Variants in GABBR2 observed in about 807,000 individuals in gnomAD.
GABBR2 encodes the protein gamma-aminobutyric acid type B receptor subunit 2.
GABBR2 carries 23 observed loss-of-function variants against 105.6 expected under a neutral mutation model. The ratio of observed to expected loss-of-function variants is 0.22; its 90% CI spans 0.16 to 0.31. The LOEUF is 0.31. GABBR2 is among the 10% of genes least tolerant of loss of function. GABBR2 has a pLI of 1.00. For missense variants in GABBR2, 734 were observed against 1,245.5 expected, an observed-to-expected ratio of 0.59 and a Z score of 6.18; for synonymous variants, 478 against 499.7, an observed-to-expected ratio of 0.96 and a Z score of 0.58.
intron 3 of GABBR2, among the ~76,000 whole-genome samples, chr9:98,535,378 G>A (rs1828155121): frequency 1.3e-5 from 2 of 151,952 alleles, no homozygotes; most frequent in South Asian, 2.1e-4. Flanking sequence ...TGGGATTACA[G>A]GCATGAGCCA....
chr9:98,336,782 C>T (rs991656689), intron 13 of GABBR2, among the ~76,000 whole-genome samples: 3 of 151,684 alleles, frequency 2.0e-5, no homozygotes, highest in Non-Finnish European at 4.4e-5. Context: ...ATTAAACACT[C>T]CAATTGAAAT....
chr9:98,586,561 A>G (rs933123720), intron 1 of GABBR2, among the ~76,000 whole-genome samples: 4 of 152,056 alleles, frequency 2.6e-5, no homozygotes, highest in Non-Finnish European at 4.4e-5. Context: ...TGGCCTCCCA[A>G]AGTGCTGGGA....
At chr9:98,542,088 C>T (rs1828314443) in intron 2 of GABBR2, 45 bp from the exon 3 acceptor site, 3 of 1,534,530 alleles carry the variant, frequency 2.0e-6, no homozygotes, top group African/African-American at 1.4e-5. Flanking sequence ...ATGAGCCTCA[C>T]AGCTGTGACC....
intron 18 of GABBR2, among the ~76,000 whole-genome samples, chr9:98,291,791 T>C (rs1463001726): frequency 6.6e-6 from 1 of 152,248 alleles, no homozygotes; most frequent in African/African-American, 2.4e-5. Context: ...CCTGACATGA[T>C]GAACTGTGTC....
intron 3 of GABBR2, among the ~76,000 whole-genome samples, chr9:98,516,660 C>T (rs933442118): frequency 6.6e-6 from 1 of 152,194 alleles, no homozygotes; most frequent in Non-Finnish European, 1.5e-5. Flanking sequence ...CAGCCCCATT[C>T]CTGACCCCGA....
At chr9:98,370,563 T>C (rs1207647695) in intron 12 of GABBR2, among the ~76,000 whole-genome samples, 1 of 152,164 alleles carries the variant, frequency 6.6e-6, no homozygotes, top group Non-Finnish European at 1.5e-5. Flanking sequence ...CTATACTCCT[T>C]TTCCCAAGGC....
intron 1 of GABBR2, among the ~76,000 whole-genome samples, chr9:98,693,975 G>A (rs1830717312): frequency 6.6e-6 from 1 of 152,220 alleles, no homozygotes; most frequent in South Asian, 2.1e-4. Flanking sequence ...TAGCCAGCTA[G>A]CAACTGTTGC....
At chr9:98,658,385 T>C (rs1173931258) in intron 1 of GABBR2, among the ~76,000 whole-genome samples, 1 of 116,922 alleles carries the variant, frequency 8.6e-6, no homozygotes, top group African/African-American at 3.4e-5. Flanking sequence ...GGAGAGCCAC[T>C]GTGTTGAATG....
intron 3 of GABBR2, among the ~76,000 whole-genome samples, chr9:98,508,574 G>A (rs1004904130): frequency 4.6e-5 from 7 of 152,318 alleles, no homozygotes; most frequent in Middle Eastern, 3.4e-3. Flanking sequence ...CTAATACTGC[G>A]CTTTTCCAAC....
intron 13 of GABBR2, among the ~76,000 whole-genome samples, chr9:98,335,333 G>C (rs1226353280): frequency 5.9e-5 from 9 of 152,114 alleles, no homozygotes; most frequent in African/African-American, 2.2e-4. Context: ...GGACCAACTG[G>C]ACTTCAGATT....
At chr9:98,437,547 A>G (rs1410054710) in intron 7 of GABBR2, among the ~76,000 whole-genome samples, 2 of 151,326 alleles carry the variant, frequency 1.3e-5, no homozygotes, top group Admixed American at 6.6e-5. Flanking sequence ...CCACCTATCT[A>G]CACATCTATC....
chr9:98,303,373 G>A lies in GABBR2; in HGVS notation c.2280C>T (p.Phe760=). Residue 760 remains phenylalanine, a synonymous_variant, in exon 16 of 19, where the codon TTC becomes TTT. Coordinates refer to ENST00000259455, the MANE Select transcript of GABBR2 (RefSeq NM_005458.8). ...NPDAATQNRR[F]QFTQNQKKED... ...CTTTCTTCTGATTCTGAGTGAACTG[G>A]AATCGCCTGTTCTGCGTTGCTGCAT... 6.2e-7 allele frequency: 1 copy of A among 1,614,218 alleles called. No individual in the cohort carries two copies. The highest frequency in any genetic ancestry group is 8.5e-7 in the Non-Finnish European group (1 of 1,180,020).
intron 1 of GABBR2, among the ~76,000 whole-genome samples, chr9:98,580,372 G>A (rs540854751): frequency 2.6e-5 from 4 of 151,924 alleles, no homozygotes; most frequent in African/African-American, 4.8e-5. Context: ...TCTACTTTTT[G>A]TTCACTTGTA....
intron 2 of GABBR2, among the ~76,000 whole-genome samples, chr9:98,551,135 G>T (rs1396904092): frequency 6.6e-6 from 1 of 152,142 alleles, no homozygotes; most frequent in Non-Finnish European, 1.5e-5. Context: ...AGGTGCAGTG[G>T]CTCATGCCTG....
At chr9:98,483,411 T>G (rs16916402) in intron 4 of GABBR2, among the ~76,000 whole-genome samples, 6,293 of 152,146 alleles carry the variant, frequency 0.041, 212 homozygotes, top group South Asian at 0.13. Context: ...AAGGGTTCAT[T>G]CCTAGATTCA....
intron 1 of GABBR2, among the ~76,000 whole-genome samples, chr9:98,597,663 C>T (rs1415313369): frequency 6.6e-6 from 1 of 152,114 alleles, no homozygotes; most frequent in African/African-American, 2.4e-5. Context: ...ACTGCCTTCC[C>T]AGAATCCCCA....
intron 1 of GABBR2, among the ~76,000 whole-genome samples, chr9:98,647,484 C>A (rs960137209): frequency 3.3e-5 from 5 of 152,214 alleles, no homozygotes; most frequent in African/African-American, 1.2e-4. Flanking sequence ...CTCACACTAG[C>A]TCTGGGATTC....
chr9:98,429,141 T>TGC (rs1825754791), intron 7 of GABBR2, among the ~76,000 whole-genome samples: 1 of 151,934 alleles, frequency 6.6e-6, no homozygotes, highest in Admixed American at 6.6e-5. Context: ...TGTGTGTGTG[T>TGC]GTGTGTGTGT....
chr9:98,585,585 T>C (rs910877377), intron 1 of GABBR2, among the ~76,000 whole-genome samples: 13 of 151,888 alleles, frequency 8.6e-5, no homozygotes, highest in Non-Finnish European at 1.8e-4. Flanking sequence ...GGCACACGTA[T>C]ACATATGTAA....
Sources: gnomAD v4.1 joint callset for allele counts (sites outside exome capture counted in the v4.1 genomes callset) on GRCh38, gnomAD v4.1.1 for gene constraint, MANE v1.5 for transcripts, NCBI Gene and HGNC (gene_info 2026-07-23, HGNC 2026-07-21) for gene names.